The following SSH1 variants were observed in gnomAD, a reference collection of about 807,000 sequenced individuals.
The protein encoded by SSH1 is slingshot protein phosphatase 1, also known as protein phosphatase Slingshot homolog 1.
SSH1 carries 43 observed loss-of-function variants against 79.7 expected under a neutral mutation model. That is an observed-to-expected ratio of 0.54 (90% CI 0.42 to 0.70). SSH1 has a LOEUF of 0.70. Ranked by LOEUF, SSH1 falls within the 30% of genes least tolerant of loss-of-function variation. The pLI is 0.00. For missense variants in SSH1, 1,206 were observed against 1,358.8 expected (o/e 0.89, Z 1.77); for synonymous variants, 599 against 538.3 (o/e 1.11, Z -1.56).
chr12:108,827,535 A>G, intron 2 of SSH1: 1 of 1,280,788 alleles, frequency 7.8e-7, no homozygotes. Context: ...TCTTCCTCTG[A>G]TATTTTGGCT....
chr12:108,848,862 C>T lies in SSH1; in HGVS notation c.110+3776G>A, dbSNP rs553453316. ...TGTTGGGGACCTGCTGACAGTGGCA[C>T]GGAAGGACTCTCGGTGGTGGTCAGA... On this transcript the variant is annotated intron_variant, in intron 2 of 14. Coordinates refer to ENST00000326495, the MANE Select transcript of SSH1 (RefSeq NM_018984.4). Among the ~76,000 whole-genome samples, 8 of 152,078 alleles carry T rather than the reference C, an allele frequency of 5.3e-5. No homozygotes were observed. In the East Asian group the frequency reaches 9.7e-4, roughly 18 times the overall value.
chr12:108,821,478 C>T (rs2038116936), intron 3 of SSH1, among the ~76,000 whole-genome samples: 1 of 151,594 alleles, frequency 6.6e-6, no homozygotes, highest in Non-Finnish European at 1.5e-5. Flanking sequence ...ATCGTAATAA[C>T]AATGATAGTT....
chr12:108,849,426 G>A (rs565499061), intron 2 of SSH1, among the ~76,000 whole-genome samples: 13 of 151,932 alleles, frequency 8.6e-5, no homozygotes, highest in Middle Eastern at 3.4e-3. Flanking sequence ...GTGTGGTGGC[G>A]CACGCCTGTA....
At position 108,785,435 on chromosome 12, in the gene SSH1, T is replaced by C. The variant is rs538810679; in HGVS notation, c.*2553A>G. 6.6e-6 allele frequency: 1 copy of C among 152,338 alleles called. No homozygotes were observed. The highest frequency in any genetic ancestry group is 2.1e-4 in the South Asian group (1 of 4,830). The allele number at this position is 152,338 out of a possible 1,614,324, so 9.4% of individuals were successfully genotyped here. On this transcript the variant is annotated 3_prime_UTR_variant, in exon 15 of 15. Transcript: ENST00000326495. The stretch of plus-strand genomic sequence containing the variant: ...CCGCGCCCGGCCCCATCATACAGCA[T>C]TTTAAATAGCCATGTGCCATCTGTT...
intron 5 of SSH1, 26 bp from the exon 6 acceptor site, chr12:108,811,354 G>A (rs948291103): frequency 6.2e-7 from 1 of 1,612,156 alleles, no homozygotes; most frequent in Non-Finnish European, 8.5e-7. Flanking sequence ...GAAGACATGT[G>A]GAGTCAGCGT....
chr12:108,845,772 C>G (rs959745855), intron 2 of SSH1, among the ~76,000 whole-genome samples: 2 of 152,214 alleles, frequency 1.3e-5, no homozygotes, highest in Non-Finnish European at 1.5e-5. Context: ...GATACAGTAA[C>G]CTATGCACAC....
At chr12:108,813,779 G>T (rs1203254837) in intron 5 of SSH1, among the ~76,000 whole-genome samples, 3 of 146,722 alleles carry the variant, frequency 2.0e-5, no homozygotes, top group Non-Finnish European at 4.5e-5. Flanking sequence ...GAAGGGAAGG[G>T]AAGGGGAAGG....
rs373346899 is a variant in SSH1 at position 108,807,561 on chromosome 12, G to A, written c.731+72C>T. On this transcript the variant is annotated intron_variant, in intron 8 of 14. Coordinates refer to ENST00000326495, the MANE Select transcript of SSH1 (RefSeq NM_018984.4). The surrounding 1 kb of genome is among the most constrained non-coding windows in gnomAD (Gnocchi z 5.2). Reference sequence around the variant, plus strand: ...TGGCCCAATGCAGGTTCAGGGTCGGGCACAGGGCAGGTGGGGGAGAGGCAG... The same window carrying A: ...TGGCCCAATGCAGGTTCAGGGTCGGACACAGGGCAGGTGGGGGAGAGGCAG... The A allele has an allele frequency of 4.0e-6, 6 of 1,492,618 alleles. No individual in the cohort carries two copies. In the African/African-American group the frequency reaches 6.9e-5, roughly 17 times the overall value. The allele number at this position is 1,492,618 out of a possible 1,614,324, so 92.5% of individuals were successfully genotyped here. A position where few individuals can be genotyped will look rare whatever the true frequency, so the allele number is the denominator to read the frequency against.
rs562508182 is a variant in SSH1, at chr12:108,795,640, G to A, written c.1350-2811C>T. ...GAAGGCTGAGGTGGAAGGATCGATTGAGCCCAGGAGTTTGAGACCAGCCTG... is the reference window on the plus strand; with the variant it reads ...GAAGGCTGAGGTGGAAGGATCGATTAAGCCCAGGAGTTTGAGACCAGCCTG... On this transcript the variant is annotated intron_variant, in intron 13 of 14. Coordinates refer to ENST00000326495, the MANE Select transcript of SSH1 (RefSeq NM_018984.4). Among the ~76,000 whole-genome samples the A allele has an allele frequency of 4.0e-4, 61 of 152,072 alleles. 1 individual carries two copies. The highest frequency in any genetic ancestry group is 1.4e-3 in the African/African-American group (59 of 41,494).
chr12:108,839,328 G>A (rs2038719491), intron 2 of SSH1, among the ~76,000 whole-genome samples: 1 of 152,206 alleles, frequency 6.6e-6, no homozygotes, highest in African/African-American at 2.4e-5. Context: ...CAGCCAACAG[G>A]TCAGTGGCCT....
rs1409135755 is a variant in SSH1 at position 108,783,419 on chromosome 12, CTAT to C, written c.*4566_*4568del. On this transcript the variant is annotated 3_prime_UTR_variant, in exon 15 of 15. Coordinates refer to ENST00000326495, the MANE Select transcript of SSH1 (RefSeq NM_018984.4). ...TGCATAAATACATAGTATTTGTAAA[CTAT>C]TATTAAGGCACTCAATTGTAAAACA... 1.3e-5 allele frequency: 2 copies of C among 152,166 alleles called. No individual in the cohort carries two copies. Among genetic ancestry groups the C allele is most frequent in the African/African-American group, 4.8e-5 (2 of 41,410 alleles). The allele number at this position is 152,166 out of a possible 1,614,324, so 9.4% of individuals were successfully genotyped here.
intron 13 of SSH1, among the ~76,000 whole-genome samples, chr12:108,795,408 C>A (rs999914453): frequency 6.6e-6 from 1 of 152,028 alleles, no homozygotes; most frequent in African/African-American, 2.4e-5. Flanking sequence ...CGCCACCACA[C>A]CTGGCTAATT....
Position 108,791,040 on chromosome 12 carries a change from G to A in SSH1, c.1893+1246C>T, listed in dbSNP as rs2036478019. Among the ~76,000 whole-genome samples the A allele has an allele frequency of 3.3e-5, 5 of 152,250 alleles. No homozygotes were observed. In the South Asian group the frequency reaches 1.0e-3, roughly 32 times the overall value. The stretch of plus-strand genomic sequence containing the variant: ...TCCACTAAAAATGGCAACTCCAAGA[G>A]ACTAATGGAGTTAAGTATTAGAGTC... On this transcript the variant is annotated intron_variant, in intron 14 of 14. Coordinates refer to ENST00000326495, the MANE Select transcript of SSH1 (RefSeq NM_018984.4).
At chr12:108,815,963 C>A (rs1331553387) in intron 5 of SSH1, among the ~76,000 whole-genome samples, 1 of 152,220 alleles carries the variant, frequency 6.6e-6, no homozygotes, top group Non-Finnish European at 1.5e-5. Context: ...CAAGACCATA[C>A]TGTTACCGTG....
chr12:108,842,645 T>C (rs986005198), intron 2 of SSH1, among the ~76,000 whole-genome samples: 1 of 151,940 alleles, frequency 6.6e-6, no homozygotes, highest in Non-Finnish European at 1.5e-5. Context: ...CGCTAATGGC[T>C]CACCAGGAAG....
chr12:108,823,459 G>T, intron 2 of SSH1, 98 bp from the exon 3 acceptor site: 1 of 972,962 alleles, frequency 1.0e-6, no homozygotes. Flanking sequence ...GTGGACAAAT[G>T]GCATGTAAAA....
At chr12:108,831,456 T>C (rs1224031187) in intron 2 of SSH1, among the ~76,000 whole-genome samples, 1 of 152,080 alleles carries the variant, frequency 6.6e-6, no homozygotes, top group African/African-American at 2.4e-5. Context: ...AATTTAGAAG[T>C]GAAACAGACC....
chr12:108,852,834 C>T (rs980953715), intron 1 of SSH1, 156 bp from the exon 2 acceptor site: 5 of 985,300 alleles, frequency 5.1e-6, no homozygotes, highest in African/African-American at 1.7e-5. Flanking sequence ...TCACCAATCC[C>T]GGTCTGTCCC....
At chr12:108,823,216 A>G (rs1391530952) in intron 3 of SSH1, 42 bp downstream of exon 3, 1 of 1,519,484 alleles carries the variant, frequency 6.6e-7, no homozygotes, top group African/African-American at 1.4e-5. Flanking sequence ...TGCTGTCCAG[A>G]AAAGAAGCTC....
Sources: gnomAD v4.1 joint callset for allele counts (sites outside exome capture counted in the v4.1 genomes callset) on GRCh38, gnomAD v4.1.1 for gene constraint, Gnocchi (gnomAD v3.1) non-coding constraint, MANE v1.5 for transcripts, NCBI Gene and HGNC (gene_info 2026-07-23, HGNC 2026-07-21) for gene names.